The following GRIK2 variants were observed in gnomAD, a reference collection of about 807,000 sequenced individuals.
GRIK2 encodes the protein glutamate receptor ionotropic, kainate 2.
A neutral mutation model predicts 100.3 loss-of-function variants in GRIK2; 32 were observed. The observed-to-expected ratio is 0.32, with a 90% CI of 0.24 to 0.43. GRIK2 has a LOEUF of 0.43. Ranked by LOEUF, GRIK2 falls within the 20% of genes least tolerant of loss-of-function variation. GRIK2 has a pLI of 1.00. For missense variants in GRIK2, 843 were observed against 1,114.9 expected (o/e 0.76, Z 3.47); for synonymous variants, 417 against 389.4 (o/e 1.07, Z -0.83).
chr6:101,977,624 T>C (rs191643768), intron 14 of GRIK2, among the ~76,000 whole-genome samples: 21 of 151,996 alleles, frequency 1.4e-4, no homozygotes, highest in Admixed American at 1.4e-3. Flanking sequence ...GAGCATAGGA[T>C]GTGTGGCTTT....
At chr6:101,789,984 C>A (rs1158006299) in intron 7 of GRIK2, among the ~76,000 whole-genome samples, 1 of 152,112 alleles carries the variant, frequency 6.6e-6, no homozygotes, top group Non-Finnish European at 1.5e-5. Context: ...AATGGGAGTT[C>A]ACTCATGATT....
intron 7 of GRIK2, among the ~76,000 whole-genome samples, chr6:101,688,181 CTTA>C (rs1272951885): frequency 6.7e-6 from 1 of 149,460 alleles, no homozygotes; most frequent in Non-Finnish European, 1.5e-5. Context: ...GGATGAATGT[CTTA>C]TTATTTATTT....
At chr6:101,595,712 G>GTATATATATATATATATATATA (rs1162539380) in intron 2 of GRIK2, among the ~76,000 whole-genome samples, 4 of 131,532 alleles carry the variant, frequency 3.0e-5, no homozygotes, top group African/African-American at 1.2e-4. Flanking sequence ...GTGTGTGTGT[G>GTATATATATATATATATATATA]TGTGTGTATA....
chr6:101,939,787 G>T (rs1313699536), intron 14 of GRIK2, among the ~76,000 whole-genome samples: 4 of 152,042 alleles, frequency 2.6e-5, no homozygotes, highest in Non-Finnish European at 5.9e-5. Context: ...TAAAAACCCA[G>T]CCTGACTCCA....
Position 101,582,682 on chromosome 6 carries a change from G to A in GRIK2, c.116-39267G>A, listed in dbSNP as rs111773538. Among the ~76,000 whole-genome samples the A allele has an allele frequency of 8.6e-3, 1,316 of 152,184 alleles. 8 individuals carry two copies. Among genetic ancestry groups the A allele is most frequent in the Middle Eastern group, 0.014 (4 of 294 alleles). ...GAAATCTACATGGAAATGAAAACAC[G>A]TTGGTAATGTACAGAGGATAGTCTA... is the stretch of plus-strand genomic sequence containing the variant. On this transcript the variant is annotated intron_variant, in intron 2 of 16. Coordinates refer to ENST00000369134, the MANE Select transcript of GRIK2 (RefSeq NM_021956.5).
intron 7 of GRIK2, among the ~76,000 whole-genome samples, chr6:101,790,909 T>G (rs1779801499): frequency 6.6e-6 from 1 of 152,114 alleles, no homozygotes; most frequent in Non-Finnish European, 1.5e-5. Flanking sequence ...TATTCAGAGA[T>G]TCAACTTCTT....
intron 2 of GRIK2, among the ~76,000 whole-genome samples, chr6:101,541,378 A>C (rs1174643106): frequency 4.3e-3 from 1 of 234 alleles, no homozygotes; most frequent in South Asian, 0.17. Context: ...GCACACAACC[A>C]CACACACACA....
At chr6:101,946,516 T>TG (rs1022899011) in intron 14 of GRIK2, among the ~76,000 whole-genome samples, 1 of 120,004 alleles carries the variant, frequency 8.3e-6, no homozygotes, top group African/African-American at 2.9e-5. Flanking sequence ...GGATTGCTGT[T>TG]GAAAAAAAAA....
chr6:101,430,442 GA>G, intron 2 of GRIK2: 1 of 215,754 alleles, frequency 4.6e-6, no homozygotes. Flanking sequence ...CTGGAAGGTG[GA>G]AAGGGAGGCC....
At chr6:101,663,087 A>G (rs73510619) in intron 4 of GRIK2, among the ~76,000 whole-genome samples, 1 of 152,112 alleles carries the variant, frequency 6.6e-6, no homozygotes, top group Non-Finnish European at 1.5e-5. Flanking sequence ...AAAAGTTCTG[A>G]TAATTGTTAG....
chr6:101,846,269 T>C (rs1783806927), intron 10 of GRIK2, among the ~76,000 whole-genome samples: 1 of 152,110 alleles, frequency 6.6e-6, no homozygotes, highest in African/African-American at 2.4e-5. Flanking sequence ...ATATATTTTA[T>C]TGTGAGAGTT....
intron 2 of GRIK2, among the ~76,000 whole-genome samples, chr6:101,618,492 G>A (rs918042833): frequency 6.6e-6 from 1 of 151,356 alleles, no homozygotes; most frequent in Non-Finnish European, 1.5e-5. Flanking sequence ...TGCATTTTTT[G>A]CTTTTTTAAT....
intron 2 of GRIK2, among the ~76,000 whole-genome samples, chr6:101,558,965 CTTT>C (rs1776870529): frequency 6.6e-6 from 1 of 151,906 alleles, no homozygotes; most frequent in Non-Finnish European, 1.5e-5. Context: ...TTTCTGTATT[CTTT>C]ATCTCGTTCA....
At chr6:101,938,416 A>AT (rs1353918882) in intron 14 of GRIK2, among the ~76,000 whole-genome samples, 1 of 152,124 alleles carries the variant, frequency 6.6e-6, no homozygotes, top group Admixed American at 6.6e-5. Context: ...GTGCTTGTTC[A>AT]TAAGTGTTGA....
chr6:101,703,006 G>A (rs1317293725), intron 7 of GRIK2, among the ~76,000 whole-genome samples: 8 of 151,814 alleles, frequency 5.3e-5, no homozygotes, highest in Non-Finnish European at 1.2e-4. Context: ...GCAGGAATAT[G>A]CAGTTTTGTT....
intron 2 of GRIK2, among the ~76,000 whole-genome samples, chr6:101,457,356 T>C (rs1320310667): frequency 6.6e-6 from 1 of 152,164 alleles, no homozygotes; most frequent in African/African-American, 2.4e-5. Flanking sequence ...TTATCTTTCA[T>C]GTGCATTTAG....
intron 2 of GRIK2, among the ~76,000 whole-genome samples, chr6:101,524,781 G>C (rs1305437279): frequency 6.6e-6 from 1 of 150,816 alleles, no homozygotes; most frequent in Admixed American, 6.6e-5. Context: ...GCCCAGGCTG[G>C]AGTGCAATGG....
In GRIK2 at chr6:101,792,359, G is replaced by C. The variant is rs571740901; in HGVS notation, c.952-7289G>C. On this transcript the variant is annotated intron_variant, in intron 7 of 16. Coordinates refer to ENST00000369134, the MANE Select transcript of GRIK2 (RefSeq NM_021956.5). ...AGTGGCTGGTCCTGGTTGTTCCTTT[G>C]CATGTTTAGTGCTTCCTTCAGGAGC... Among the ~76,000 whole-genome samples, 465 of 152,042 alleles carry C rather than the reference G, an allele frequency of 3.1e-3. 1 individual carries two copies. The highest frequency in any genetic ancestry group is 5.0e-3 in the South Asian group (24 of 4,812).
intron 10 of GRIK2, among the ~76,000 whole-genome samples, chr6:101,830,418 G>A (rs555654606): frequency 6.6e-6 from 1 of 151,784 alleles, no homozygotes; most frequent in East Asian, 1.9e-4. Flanking sequence ...AAATTGACAA[G>A]TGTGACCTAC....
Sources: allele counts gnomAD v4.1 joint callset (sites outside exome capture counted in the v4.1 genomes callset), GRCh38; gene constraint gnomAD v4.1.1; transcripts MANE v1.5; gene names NCBI Gene and HGNC (gene_info 2026-07-23, HGNC 2026-07-21).